Variants in PTPRS observed in about 807,000 individuals in gnomAD.
The protein encoded by PTPRS is protein tyrosine phosphatase receptor type S.
PTPRS carries 63 observed loss-of-function variants against 215.3 expected under a neutral mutation model. That is an observed-to-expected ratio of 0.29 (90% CI 0.24 to 0.36). PTPRS has a LOEUF of 0.36. Among genes scored for constraint, PTPRS ranks in the 10% least tolerant of loss-of-function variants. The pLI, the probability that PTPRS is intolerant of heterozygous loss-of-function variation, is 1.00. For missense variants in PTPRS, 2,258 were observed against 2,825.8 expected, an observed-to-expected ratio of 0.80 and a Z score of 4.56; for synonymous variants, 1,404 against 1,191.4, an observed-to-expected ratio of 1.18 and a Z score of -3.68.
In PTPRS at chr19:5,331,073, T is replaced by G. The variant is rs2050307767; in HGVS notation, c.-95+9591A>C. Among the ~76,000 whole-genome samples, 3 of 148,938 alleles carry G rather than the reference T, an allele frequency of 2.0e-5. No individual in the cohort carries two copies. In the South Asian group the frequency reaches 6.4e-4, roughly 32 times the overall value. ...GACGCTCAGGGACAAAGGCACCATC[T>G]GCCTGATTTCTCTCGCTGTCTTGGG... On this transcript the variant is annotated intron_variant, in intron 1 of 37. Transcript: ENST00000262963.
At chr19:5,331,262 C>G (rs1034543362) in intron 1 of PTPRS, among the ~76,000 whole-genome samples, 1 of 151,876 alleles carries the variant, frequency 6.6e-6, no homozygotes, top group Non-Finnish European at 1.5e-5. Flanking sequence ...TCCCCAGTAG[C>G]TGGGACCGTA....
intron 17 of PTPRS, among the ~76,000 whole-genome samples, 163 bp from the exon 18 acceptor site, chr19:5,223,460 G>A (rs934675312): frequency 3.9e-5 from 6 of 151,978 alleles, no homozygotes; most frequent in South Asian, 2.1e-4. Flanking sequence ...GTGAGATCAC[G>A]GCTCACTGCA....
Position 5,222,015 on chromosome 19 carries a change from G to C in PTPRS, c.3201+108C>G. ...TCCTAGCTGAGACCCATCTCTGACTGAGCCCTGATCCCTCACTTCACACCA... is the reference window on the plus strand; with the variant it reads ...TCCTAGCTGAGACCCATCTCTGACTCAGCCCTGATCCCTCACTTCACACCA... On this transcript the variant is annotated intron_variant, in intron 19 of 37. Coordinates refer to ENST00000262963, the MANE Select transcript of PTPRS (RefSeq NM_002850.4). 3.5e-6 allele frequency: 3 copies of C among 867,764 alleles called. 1 individual carries two copies. In the South Asian group the frequency reaches 4.3e-5, roughly 12 times the overall value. 53.8% of individuals were successfully genotyped at this position (867,764 alleles called of 1,614,324 possible). A position where few individuals can be genotyped will look rare whatever the true frequency, so the allele number is the denominator to read the frequency against.
chr19:5,258,309 A>C lies in PTPRS; in HGVS notation c.596-182T>G, dbSNP rs530866866. Among the ~76,000 whole-genome samples, 304 of 152,218 alleles carry C rather than the reference A, an allele frequency of 2.0e-3. 1 individual carries two copies. The highest frequency in any genetic ancestry group is 3.2e-3 in the Non-Finnish European group (217 of 68,002). ...CAGGCCTTGTATAACCTCCACCCCCACATCTAGCCCCACCAGGGCCTGGAC... is the reference window on the plus strand; with the variant it reads ...CAGGCCTTGTATAACCTCCACCCCCCCATCTAGCCCCACCAGGGCCTGGAC... On this transcript the variant is annotated intron_variant, in intron 7 of 37. Transcript: ENST00000262963.
chr19:5,238,091 C>T (rs2043639937), intron 13 of PTPRS, among the ~76,000 whole-genome samples: 2 of 152,136 alleles, frequency 1.3e-5, no homozygotes, highest in African/African-American at 4.8e-5. Flanking sequence ...GAGGCCACGA[C>T]AGAGAGACCA....
intron 2 of PTPRS, among the ~76,000 whole-genome samples, chr19:5,276,260 G>T (rs1307498167): frequency 6.6e-6 from 1 of 152,096 alleles, no homozygotes; most frequent in Non-Finnish European, 1.5e-5. Flanking sequence ...GTGTTGCTCT[G>T]TCACCAGGCC....
At chr19:5,213,370 C>T (rs1046198739) in intron 30 of PTPRS, among the ~76,000 whole-genome samples, 37 of 71,092 alleles carry the variant, frequency 5.2e-4, no homozygotes, top group African/African-American at 1.4e-3. Flanking sequence ...TGACCAGGCA[C>T]GGTCCTGCCC....
intron 9 of PTPRS, among the ~76,000 whole-genome samples, chr19:5,247,735 G>A (rs2044629016): frequency 6.6e-6 from 1 of 151,930 alleles, no homozygotes; most frequent in Admixed American, 6.5e-5. Flanking sequence ...GGTTCAAGGG[G>A]ATAAAGGGAG....
chr19:5,239,160 AGG>A (rs759577687), intron 12 of PTPRS, 97 bp from the exon 13 acceptor site: 14,571 of 400,572 alleles, frequency 0.036, 47 homozygotes, highest in Non-Finnish European at 0.046. Context: ...CAGAGGGGGG[AGG>A]GGGAGAGAGA....
rs896444035 is a variant in PTPRS at position 5,262,990 on chromosome 19, G to A, written c.569-18C>T. 4 of 1,416,336 alleles carry A rather than the reference G, an allele frequency of 2.8e-6. No homozygotes were observed. Among genetic ancestry groups the A allele is most frequent in the Non-Finnish European group, 3.8e-6 (4 of 1,057,026 alleles). 87.7% of individuals were successfully genotyped at this position (1,416,336 alleles called of 1,614,324 possible). A position where few individuals can be genotyped will look rare whatever the true frequency, so the allele number is the denominator to read the frequency against. On this transcript the variant is annotated intron_variant, in intron 5 of 37. Transcript: ENST00000262963. Reference sequence around the variant, plus strand: ...AAAGGTTTCTGAACGTTTACAACAGGAGGATAAGAAAAGAGAACAGGAACG... The same window carrying A: ...AAAGGTTTCTGAACGTTTACAACAGAAGGATAAGAAAAGAGAACAGGAACG...
intron 12 of PTPRS, among the ~76,000 whole-genome samples, chr19:5,239,329 C>T (rs954826684): frequency 4.7e-5 from 7 of 150,072 alleles, no homozygotes; most frequent in Non-Finnish European, 7.4e-5. Context: ...GAGACAGAGA[C>T]AGAGAGAAAC....
chr19:5,244,057 C>CG lies in PTPRS; in HGVS notation c.1413dup (p.Val472ArgfsTer155). 6.2e-7 allele frequency: 1 copy of CG among 1,610,564 alleles called. No individual in the cohort carries two copies. Among genetic ancestry groups the CG allele is most frequent in the East Asian group, 2.2e-5 (1 of 44,870 alleles). On this transcript the variant is annotated frameshift_variant, in exon 11 of 38. Coordinates refer to ENST00000262963, the MANE Select transcript of PTPRS (RefSeq NM_002850.4). LOFTEE classifies it high-confidence loss of function. This position sits in a 1 kb window ranked among gnomAD's most constrained non-coding sequence, Gnocchi z 7.2. ...ACGTTGTGCTTCTGCCAGTTGCCCACGGGGTGCTCCGGTTCCATGGTGTAG... is the reference window on the plus strand; with the variant it reads ...ACGTTGTGCTTCTGCCAGTTGCCCACGGGGGTGCTCCGGTTCCATGGTGTAG...
intron 16 of PTPRS, among the ~76,000 whole-genome samples, chr19:5,227,702 G>T (rs1020491331): frequency 6.6e-6 from 1 of 152,124 alleles, no homozygotes; most frequent in Non-Finnish European, 1.5e-5. Context: ...GAGCCACCAT[G>T]CCCTGCCGAT....
At chr19:5,297,625 G>A (rs1331904969) in intron 1 of PTPRS, among the ~76,000 whole-genome samples, 2 of 152,090 alleles carry the variant, frequency 1.3e-5, no homozygotes, top group Non-Finnish European at 2.9e-5. Flanking sequence ...AAAACTGGGG[G>A]GTCCCTGGGG....
chr19:5,239,126 A>T (rs996180380), intron 12 of PTPRS, 63 bp from the exon 13 acceptor site: 12 of 1,149,982 alleles, frequency 1.0e-5, no homozygotes, highest in Middle Eastern at 2.3e-4. Context: ...ACAGAAACAA[A>T]GGGGAGAGAG....
intron 13 of PTPRS, among the ~76,000 whole-genome samples, chr19:5,233,431 CTA>C (rs1025393498): frequency 6.6e-6 from 1 of 151,256 alleles, no homozygotes; most frequent in African/African-American, 2.4e-5. Context: ...TAACTACCTA[CTA>C]TGTGCCAGGC....
intron 1 of PTPRS, among the ~76,000 whole-genome samples, chr19:5,336,329 G>A (rs1306504189): frequency 6.6e-6 from 1 of 151,542 alleles, no homozygotes; most frequent in Non-Finnish European, 1.5e-5. Flanking sequence ...AGAGACCCAG[G>A]TGTCACCTGT....
chr19:5,280,590 G>A (rs1472753658), intron 2 of PTPRS, among the ~76,000 whole-genome samples: 5 of 151,738 alleles, frequency 3.3e-5, no homozygotes, highest in African/African-American at 7.3e-5. Context: ...GCGTGGTGGC[G>A]GGTGCCTGTA....
At chr19:5,326,091 T>G (rs1048572988) in intron 1 of PTPRS, among the ~76,000 whole-genome samples, 1 of 152,086 alleles carries the variant, frequency 6.6e-6, no homozygotes. Context: ...ATTAGCCGTA[T>G]GTGGTGACAC....
Sources: gnomAD v4.1 joint callset for allele counts (sites outside exome capture counted in the v4.1 genomes callset) on GRCh38, gnomAD v4.1.1 for gene constraint, Gnocchi (gnomAD v3.1) non-coding constraint, MANE v1.5 for transcripts, NCBI Gene and HGNC (gene_info 2026-07-23, HGNC 2026-07-21) for gene names.